Variants in ADGRV1 observed in about 807,000 individuals in gnomAD.
ADGRV1 encodes G-protein coupled receptor 98.
In ADGRV1, 359 loss-of-function variants were observed where a neutral mutation model predicts 596.2. That is an observed-to-expected ratio of 0.60 (90% CI 0.55 to 0.66). The LOEUF is 0.66. ADGRV1 is among the 30% of genes least tolerant of loss of function. The pLI is 0.00. For missense variants in ADGRV1, 7,274 were observed against 7,575.6 expected, an observed-to-expected ratio of 0.96 and a Z score of 1.48; for synonymous variants, 2,681 against 2,679.2, an observed-to-expected ratio of 1.00 and a Z score of -0.02.
At chr5:91,126,459 A>T (rs1490317789) in intron 87 of ADGRV1, among the ~76,000 whole-genome samples, 1 of 152,228 alleles carries the variant, frequency 6.6e-6, no homozygotes, top group African/African-American at 2.4e-5. Flanking sequence ...AGAGGAGCTA[A>T]AATAGCTAAA....
chr5:90,998,385 T>A lies in ADGRV1; in HGVS notation c.18152+12863T>A, dbSNP rs774875731. Among the ~76,000 whole-genome samples the A allele has an allele frequency of 3.6e-4, 55 of 152,148 alleles. 1 individual carries two copies. Among genetic ancestry groups the A allele is most frequent in the Non-Finnish European group, 7.3e-4 (50 of 68,034 alleles). ...ATATCATGTGCACTTTCCAATTTACTTTTTATTTACTGAAAAGTAAATAAA... is the reference window on the plus strand; with the variant it reads ...ATATCATGTGCACTTTCCAATTTACATTTTATTTACTGAAAAGTAAATAAA... On this transcript the variant is annotated intron_variant, in intron 85 of 89. Transcript: ENST00000405460.
chr5:90,969,267 A>G (rs1251325497), intron 84 of ADGRV1, among the ~76,000 whole-genome samples: 1 of 152,218 alleles, frequency 6.6e-6, no homozygotes, highest in Non-Finnish European at 1.5e-5. Flanking sequence ...GTACATATTT[A>G]CCCATATTAT....
intron 38 of ADGRV1, among the ~76,000 whole-genome samples, chr5:90,707,939 G>A (rs1748826264): frequency 6.6e-6 from 1 of 152,102 alleles, no homozygotes; most frequent in Admixed American, 6.6e-5. Context: ...AGTAGGCACA[G>A]CAGTCCTTCT....
chr5:91,149,467 G>T (rs1380134967), intron 87 of ADGRV1, among the ~76,000 whole-genome samples: 3 of 152,156 alleles, frequency 2.0e-5, no homozygotes, highest in African/African-American at 7.2e-5. Context: ...CTTCCACCAT[G>T]ATGTTAAGTT....
intron 83 of ADGRV1, among the ~76,000 whole-genome samples, chr5:90,961,704 T>C (rs887953521): frequency 8.5e-5 from 13 of 152,148 alleles, no homozygotes; most frequent in Admixed American, 3.3e-4. Context: ...TTCTAAAAAG[T>C]ATTTACTCTT....
chr5:90,593,835 G>C (rs58226739), intron 1 of ADGRV1, among the ~76,000 whole-genome samples: 3,385 of 151,866 alleles, frequency 0.022, 97 homozygotes, highest in African/African-American at 0.067. Flanking sequence ...TATCAAATTA[G>C]CAAATTCTCT....
Position 91,005,379 on chromosome 5 carries a change from T to TATA in ADGRV1, c.18152+19857_18152+19858insATA, listed in dbSNP as rs147264981. ...CTATTGCTGTGTATATATATATATATTTTTTTGAAGTGCAGTGGCGCAATC... is the reference window on the plus strand; with the variant it reads ...CTATTGCTGTGTATATATATATATATATATTTTTTGAAGTGCAGTGGCGCAATC... On this transcript the variant is annotated intron_variant, in intron 85 of 89. Coordinates refer to ENST00000405460, the MANE Select transcript of ADGRV1 (RefSeq NM_032119.4). 1.5e-4 allele frequency among the ~76,000 whole-genome samples: 22 copies of TATA among 150,542 alleles called. No individual in the cohort carries two copies. The East Asian group carries it at 1.6e-3, about 11-fold the overall frequency.
At chr5:90,926,883 C>T (rs1029875162) in intron 83 of ADGRV1, among the ~76,000 whole-genome samples, 13 of 152,154 alleles carry the variant, frequency 8.5e-5, no homozygotes, top group African/African-American at 3.1e-4. Context: ...TCCTTCATTT[C>T]GTTATGTACC....
chr5:90,959,910 T>A (rs377366412), intron 83 of ADGRV1, among the ~76,000 whole-genome samples: 1 of 151,944 alleles, frequency 6.6e-6, no homozygotes, highest in Admixed American at 6.6e-5. Context: ...GAGGCTAAGG[T>A]GGGCAGATCA....
chr5:90,774,081 C>T lies in ADGRV1; in HGVS notation c.12286-105C>T, dbSNP rs560508028. The T allele has an allele frequency of 1.2e-4, 56 of 475,004 alleles. 1 individual carries two copies. The South Asian group carries it at 3.4e-3, about 29-fold the overall frequency. The allele number at this position is 475,004 out of a possible 1,614,324, so 29.4% of individuals were successfully genotyped here. On this transcript the variant is annotated intron_variant, in intron 59 of 89. Transcript: ENST00000405460. ...CGTAATTCTAGTGACAAAAAAGACA[C>T]CCTTAAAAATGATTATGGACATAAA... is the stretch of plus-strand genomic sequence containing the variant.
intron 83 of ADGRV1, among the ~76,000 whole-genome samples, chr5:90,921,474 C>T (rs1233489409): frequency 6.6e-6 from 1 of 152,140 alleles, no homozygotes; most frequent in African/African-American, 2.4e-5. Context: ...GTCTAAAAAC[C>T]TACTGAATAT....
intron 76 of ADGRV1, among the ~76,000 whole-genome samples, chr5:90,825,166 G>A (rs936345053): frequency 1.3e-5 from 2 of 152,154 alleles, no homozygotes; most frequent in African/African-American, 4.8e-5. Flanking sequence ...GGAACTTATA[G>A]CCTCAAGCGA....
chr5:90,689,948 T>C lies in ADGRV1; in HGVS notation c.6578T>C (p.Ile2193Thr), dbSNP rs201999622. ...KAVPIYVIND[I>T]YPELEESFLV... ...GTGCCAATATATGTCATTAATGATA[T>C]CTATCCTGAACTGGAAGAATCTTTT... is the stretch of plus-strand genomic sequence containing the variant. The change falls in exon 30 of 90, where the codon ATC (isoleucine) becomes ACC (threonine). Residue 2193 changes from isoleucine to threonine, a missense_variant. Transcript: ENST00000405460. The C allele has an allele frequency of 5.5e-5, 88 of 1,612,628 alleles. No homozygotes were observed. The highest frequency in any genetic ancestry group is 7.3e-5 in the Non-Finnish European group (86 of 1,179,262).
intron 85 of ADGRV1, among the ~76,000 whole-genome samples, chr5:90,996,276 T>C (rs1781407578): frequency 6.6e-6 from 1 of 152,142 alleles, no homozygotes; most frequent in African/African-American, 2.4e-5. Flanking sequence ...AGAGCCCCAC[T>C]GCTCTGTGCA....
chr5:90,618,473 T>C (rs976659925), intron 3 of ADGRV1, among the ~76,000 whole-genome samples: 2 of 152,170 alleles, frequency 1.3e-5, no homozygotes, highest in African/African-American at 4.8e-5. Context: ...CTAAAGAACA[T>C]TAAGAATTTT....
At position 90,646,060 on chromosome 5, in the gene ADGRV1, T is replaced by C. The variant is rs570773279; in HGVS notation, c.2991T>C (p.Ile997=). The change falls in exon 16 of 90, where the codon ATT becomes ATC. Residue 997 remains isoleucine, a synonymous_variant. Coordinates refer to ENST00000405460, the MANE Select transcript of ADGRV1 (RefSeq NM_032119.4). ...ATAGAACAACTGCAACTCTGAGGAT[T>C]AGAAGAAATGATGACCCCATTTATT... ...VGNRTTATLR[I]RRNDDPIYFA... 45 of 1,594,622 alleles carry C rather than the reference T, an allele frequency of 2.8e-5. No individual in the cohort carries two copies. The East Asian group carries it at 5.9e-4, about 21-fold the overall frequency.
chr5:90,822,938 A>G (rs1447048040), intron 75 of ADGRV1, among the ~76,000 whole-genome samples: 2 of 151,974 alleles, frequency 1.3e-5, no homozygotes, highest in Non-Finnish European at 2.9e-5. Flanking sequence ...TTTGTCTGTT[A>G]TTGGTGTATA....
At position 91,065,671 on chromosome 5, in the gene ADGRV1, A is replaced by AT. The variant is rs550259024; in HGVS notation, c.18153-6769dup. Among the ~76,000 whole-genome samples the AT allele has an allele frequency of 3.9e-4, 60 of 152,082 alleles. No homozygotes were observed. The East Asian group carries it at 7.3e-3, about 19-fold the overall frequency. ...AAATACTCCATGCCGCCCACATAAA[A>AT]TTTTTTTAAATCAAATTGGGTAACG... On this transcript the variant is annotated intron_variant, in intron 85 of 89. Transcript: ENST00000405460.
Position 90,726,723 on chromosome 5 carries a change from G to A in ADGRV1, c.10161+1067G>A, listed in dbSNP as rs531840319. 2.1e-4 allele frequency among the ~76,000 whole-genome samples: 32 copies of A among 150,694 alleles called. No individual in the cohort carries two copies. In the South Asian group the frequency reaches 5.5e-3, roughly 26 times the overall value. On this transcript the variant is annotated intron_variant, in intron 48 of 89. Coordinates refer to ENST00000405460, the MANE Select transcript of ADGRV1 (RefSeq NM_032119.4). ...CCATTGCCAGTTCCTCTTCCCTTTC[G>A]TAAACTTAGATGTCTTGGAGTTTTC...
Sources: gnomAD v4.1 joint callset for allele counts (sites outside exome capture counted in the v4.1 genomes callset) on GRCh38, gnomAD v4.1.1 for gene constraint, MANE v1.5 for transcripts, NCBI Gene and HGNC (gene_info 2026-07-23, HGNC 2026-07-21) for gene names.